CSMD1: variants seen among roughly 807,000 people sequenced by gnomAD.
The protein encoded by CSMD1 is CUB and Sushi multiple domains 1, also known as CUB and sushi domain-containing protein 1.
A neutral mutation model predicts 417.5 loss-of-function variants in CSMD1; 213 were observed. The ratio of observed to expected loss-of-function variants is 0.51; its 90% CI spans 0.46 to 0.57. The LOEUF is 0.57. CSMD1 is among the 20% of genes least tolerant of loss of function. The probability of loss-of-function intolerance (pLI) is 0.00; values close to 1 mark genes in which losing one functional copy is unlikely to be tolerated. For synonymous variants in CSMD1, 2,862 were observed against 1,736.8 expected, an observed-to-expected ratio of 1.65 and a Z score of -16.11; for missense variants, 6,923 against 4,529.7, an observed-to-expected ratio of 1.53 and a Z score of -15.17.
chr8:4,454,406 T>C (rs561072197), intron 2 of CSMD1, among the ~76,000 whole-genome samples: 2 of 152,306 alleles, frequency 1.3e-5, no homozygotes, highest in East Asian at 3.9e-4. Flanking sequence ...GGTATACCTC[T>C]AGGAGATCTT....
At chr8:3,377,742 C>G (rs1392682898) in intron 18 of CSMD1, among the ~76,000 whole-genome samples, 1 of 151,984 alleles carries the variant, frequency 6.6e-6, no homozygotes, top group African/African-American at 2.4e-5. Context: ...AAATCCTACC[C>G]AAAACGGAAA....
intron 2 of CSMD1, among the ~76,000 whole-genome samples, chr8:4,530,366 T>C (rs769631891): frequency 7.2e-5 from 10 of 138,248 alleles, no homozygotes; most frequent in South Asian, 2.6e-4. Flanking sequence ...TGGGATACAC[T>C]TGCTGAACGT....
rs892118107 is a variant in CSMD1, at chr8:4,566,042, T to C, written c.302+71300A>G. On this transcript the variant is annotated intron_variant, in intron 2 of 69. Coordinates refer to ENST00000635120, the MANE Select transcript of CSMD1 (RefSeq NM_033225.6). ...CATATAACTTTAGCGAAACCTCTTA[T>C]AAGGTATTTTGCCTATGAGATATAT... Among the ~76,000 whole-genome samples, 4 of 152,140 alleles carry C rather than the reference T, an allele frequency of 2.6e-5. No individual in the cohort carries two copies. The East Asian group carries it at 5.8e-4, about 22-fold the overall frequency.
Position 3,821,640 on chromosome 8 carries a change from G to A in CSMD1, c.819-67598C>T, listed in dbSNP as rs185367951. ...CTACTAATAATACAAAAATTAGCCGGGCATGGTGGCACATGCCTGTAATCC... is the reference window on the plus strand; with the variant it reads ...CTACTAATAATACAAAAATTAGCCGAGCATGGTGGCACATGCCTGTAATCC... On this transcript the variant is annotated intron_variant, in intron 5 of 69. Coordinates refer to ENST00000635120, the MANE Select transcript of CSMD1 (RefSeq NM_033225.6). 1.7e-4 allele frequency among the ~76,000 whole-genome samples: 26 copies of A among 152,136 alleles called. 1 individual carries two copies. The highest frequency in any genetic ancestry group is 1.2e-3 in the Admixed American group (19 of 15,294).
chr8:3,316,541 G>GC (rs1563264982), intron 23 of CSMD1, among the ~76,000 whole-genome samples: 1 of 144,778 alleles, frequency 6.9e-6, no homozygotes, highest in Non-Finnish European at 1.5e-5. Flanking sequence ...TGCGGGAGAG[G>GC]GTTTGAGCAG....
At chr8:2,979,788 A>C (rs1805252420) in intron 54 of CSMD1, among the ~76,000 whole-genome samples, 2 of 152,216 alleles carry the variant, frequency 1.3e-5, no homozygotes, top group Admixed American at 1.3e-4. Context: ...AACACCCCTG[A>C]GTTTACAGAA....
At chr8:3,915,249 T>C (rs1162014585) in intron 5 of CSMD1, among the ~76,000 whole-genome samples, 6 of 151,600 alleles carry the variant, frequency 4.0e-5, no homozygotes, top group African/African-American at 9.7e-5. Flanking sequence ...CTACCAAAAA[T>C]AGAAAAATTA....
At chr8:3,118,617 T>A in intron 41 of CSMD1, 30 bp from the exon 42 acceptor site, 1 of 1,596,770 alleles carries the variant, frequency 6.3e-7, no homozygotes, top group Non-Finnish European at 8.5e-7. Flanking sequence ...AAAATAAAGC[T>A]TATATTTGTG....
chr8:4,376,959 C>T (rs1042150262), intron 3 of CSMD1, among the ~76,000 whole-genome samples: 2 of 152,116 alleles, frequency 1.3e-5, no homozygotes, highest in African/African-American at 2.4e-5. Context: ...CTCCACTCAC[C>T]GCACAGGTGC....
intron 5 of CSMD1, among the ~76,000 whole-genome samples, chr8:3,937,190 G>C (rs1810555591): frequency 6.6e-6 from 1 of 152,276 alleles, no homozygotes; most frequent in African/African-American, 2.4e-5. Flanking sequence ...AAGATGCTGT[G>C]AACATTGTTG....
chr8:4,300,446 G>T (rs774387965), intron 3 of CSMD1, among the ~76,000 whole-genome samples: 9 of 152,172 alleles, frequency 5.9e-5, no homozygotes, highest in Non-Finnish European at 1.2e-4. Flanking sequence ...CATCCCTAAA[G>T]AACTGAGTGT....
At chr8:4,427,468 TCAG>T (rs762787636) in intron 2 of CSMD1, among the ~76,000 whole-genome samples, 50 of 144,866 alleles carry the variant, frequency 3.5e-4, no homozygotes, top group Non-Finnish European at 7.2e-4. Context: ...CAGGCAAAGT[TCAG>T]AAGAGACTTA....
At position 4,142,363 on chromosome 8, in the gene CSMD1, G is replaced by A. The variant is rs964386603; in HGVS notation, c.416-110264C>T. The stretch of plus-strand genomic sequence containing the variant: ...ACGAGGTTATGATATTTGGCTGTAG[G>A]CAAATATTAGAGGCCTCAGGGAGAG... On this transcript the variant is annotated intron_variant, in intron 3 of 69. Transcript: ENST00000635120. 8.6e-5 allele frequency among the ~76,000 whole-genome samples: 13 copies of A among 150,936 alleles called. 1 individual carries two copies. Among genetic ancestry groups the A allele is most frequent in the African/African-American group, 2.7e-4 (11 of 40,328 alleles).
intron 30 of CSMD1, among the ~76,000 whole-genome samples, chr8:3,210,455 T>TAC: frequency 1.7e-5 from 1 of 58,432 alleles, no homozygotes; most frequent in South Asian, 4.9e-4. Flanking sequence ...ATATATGACC[T>TAC]ATATATATAT....
intron 2 of CSMD1, among the ~76,000 whole-genome samples, chr8:4,578,870 G>A (rs886882292): frequency 6.9e-6 from 1 of 145,816 alleles, no homozygotes; most frequent in South Asian, 2.2e-4. Context: ...CATTATAGAA[G>A]GCACATTTTA....
chr8:4,802,707 T>C (rs568687633), intron 1 of CSMD1, among the ~76,000 whole-genome samples: 4 of 152,310 alleles, frequency 2.6e-5, no homozygotes, highest in South Asian at 2.1e-4. Flanking sequence ...TTTTCTTGTT[T>C]TGATATTATC....
chr8:3,156,859 G>T (rs996726534), intron 39 of CSMD1, among the ~76,000 whole-genome samples: 3 of 151,922 alleles, frequency 2.0e-5, no homozygotes, highest in African/African-American at 7.3e-5. Context: ...TCTTAAAGAT[G>T]GGGCATTGGA....
At chr8:3,080,135 G>C (rs1388975480) in intron 49 of CSMD1, among the ~76,000 whole-genome samples, 1 of 152,310 alleles carries the variant, frequency 6.6e-6, no homozygotes, top group East Asian at 1.9e-4. Context: ...AAGGCTCTGA[G>C]AACCAGACCT....
intron 1 of CSMD1, among the ~76,000 whole-genome samples, chr8:4,802,678 A>C (rs1353522196): frequency 1.3e-5 from 2 of 152,150 alleles, no homozygotes; most frequent in Non-Finnish European, 2.9e-5. Context: ...ATACCTCATT[A>C]ATACTGTGAA....
Sources: allele counts gnomAD v4.1 joint callset (sites outside exome capture counted in the v4.1 genomes callset), GRCh38; gene constraint gnomAD v4.1.1; transcripts MANE v1.5; gene names NCBI Gene and HGNC (gene_info 2026-07-23, HGNC 2026-07-21).